Variants in PDE3A observed in about 807,000 individuals in gnomAD.
PDE3A encodes the protein cGMP-inhibited 3',5'-cyclic phosphodiesterase 3A.
Under a neutral mutation model 98.3 loss-of-function variants are expected in PDE3A, and 43 were observed. That is an observed-to-expected ratio of 0.44 (90% CI 0.34 to 0.56). The LOEUF (loss-of-function observed/expected upper bound fraction) is 0.56, where lower values mean the gene tolerates loss of function less well. PDE3A is among the 20% of genes least tolerant of loss of function. The probability of loss-of-function intolerance (pLI) is 0.01; values close to 1 mark genes in which losing one functional copy is unlikely to be tolerated. For missense variants in PDE3A, 1,427 were observed against 1,440.7 expected (o/e 0.99, Z 0.15); for synonymous variants, 663 against 567.9 (o/e 1.17, Z -2.38).
At chr12:20,509,216 T>A (rs982133279) in intron 1 of PDE3A, among the ~76,000 whole-genome samples, 1 of 152,054 alleles carries the variant, frequency 6.6e-6, no homozygotes, top group African/African-American at 2.4e-5. Flanking sequence ...TGGATTACAG[T>A]AGGAAACACC....
At chr12:20,577,995 G>T (rs1942974287) in intron 2 of PDE3A, among the ~76,000 whole-genome samples, 1 of 152,188 alleles carries the variant, frequency 6.6e-6, no homozygotes, top group Admixed American at 6.5e-5. Flanking sequence ...GAGAGGGGCA[G>T]TCCTGTGAGA....
chr12:20,521,040 A>T (rs1946414645), intron 1 of PDE3A, among the ~76,000 whole-genome samples: 1 of 152,130 alleles, frequency 6.6e-6, no homozygotes, highest in African/African-American at 2.4e-5. Context: ...GTGGATGTAA[A>T]CATATTTTGT....
chr12:20,633,229 G>C (rs1396938170), intron 6 of PDE3A, among the ~76,000 whole-genome samples: 1 of 152,148 alleles, frequency 6.6e-6, no homozygotes, highest in Non-Finnish European at 1.5e-5. Flanking sequence ...GGGATTACAG[G>C]CGTGAGCCCA....
At chr12:20,413,386 GC>G (rs768930391) in intron 1 of PDE3A, among the ~76,000 whole-genome samples, 5 of 152,140 alleles carry the variant, frequency 3.3e-5, no homozygotes, top group Non-Finnish European at 7.3e-5. Flanking sequence ...GCAGCCTGAA[GC>G]CATGGATCTT....
chr12:20,575,764 T>A (rs925593383), intron 2 of PDE3A, among the ~76,000 whole-genome samples: 1 of 151,546 alleles, frequency 6.6e-6, no homozygotes, highest in African/African-American at 2.4e-5. Context: ...ATCCTCCTAT[T>A]TTTTTTTAAG....
chr12:20,462,019 T>C (rs1945259581), intron 1 of PDE3A, among the ~76,000 whole-genome samples: 1 of 152,160 alleles, frequency 6.6e-6, no homozygotes, highest in Non-Finnish European at 1.5e-5. Context: ...TGTCTCACTT[T>C]GGGTGCTACT....
At chr12:20,583,624 C>T (rs779150547) in intron 2 of PDE3A, among the ~76,000 whole-genome samples, 1 of 152,112 alleles carries the variant, frequency 6.6e-6, no homozygotes, top group East Asian at 1.9e-4. Flanking sequence ...GTAAAATACA[C>T]ATAATATTAG....
chr12:20,586,525 C>A (rs980309523), intron 2 of PDE3A, among the ~76,000 whole-genome samples: 85 of 152,270 alleles, frequency 5.6e-4, no homozygotes, highest in African/African-American at 1.7e-3. Flanking sequence ...AAAATCACTT[C>A]TCTAACTTAT....
At chr12:20,478,065 AT>A (rs2120994026) in intron 1 of PDE3A, among the ~76,000 whole-genome samples, 1 of 152,362 alleles carries the variant, frequency 6.6e-6, no homozygotes, top group East Asian at 1.9e-4. Context: ...CAGGAGGCTC[AT>A]ATTCTTCCAA....
chr12:20,397,908 G>A (rs527237551), intron 1 of PDE3A, among the ~76,000 whole-genome samples: 37 of 152,176 alleles, frequency 2.4e-4, no homozygotes, highest in African/African-American at 7.9e-4. Context: ...GATTGTTCAC[G>A]ATCTTATTGA....
At chr12:20,566,500 A>C (rs1942659571) in intron 2 of PDE3A, among the ~76,000 whole-genome samples, 1 of 150,774 alleles carries the variant, frequency 6.6e-6, no homozygotes, top group South Asian at 2.1e-4. Flanking sequence ...TATCAGCGAT[A>C]CACACTTAAA....
At chr12:20,651,037 G>A (rs1468566650) in intron 14 of PDE3A, among the ~76,000 whole-genome samples, 2 of 152,120 alleles carry the variant, frequency 1.3e-5, no homozygotes, top group East Asian at 1.9e-4. Context: ...TAGTTTAAAT[G>A]TACATGGAAT....
intron 6 of PDE3A, among the ~76,000 whole-genome samples, chr12:20,630,849 G>T (rs949806598): frequency 3.3e-5 from 5 of 152,230 alleles, no homozygotes; most frequent in Admixed American, 1.3e-4. Flanking sequence ...TAGAAAAACA[G>T]TTGAGTGTTT....
At chr12:20,618,290 A>G (rs1302096207) in intron 4 of PDE3A, among the ~76,000 whole-genome samples, 2 of 152,164 alleles carry the variant, frequency 1.3e-5, no homozygotes, top group African/African-American at 2.4e-5. Flanking sequence ...TTGATTATAA[A>G]TCACAGTCAA....
At chr12:20,566,202 C>T (rs905420412) in intron 2 of PDE3A, among the ~76,000 whole-genome samples, 1 of 151,772 alleles carries the variant, frequency 6.6e-6, no homozygotes, top group Admixed American at 6.6e-5. Context: ...TGCTTTTTGG[C>T]GGAGTTTTTT....
chr12:20,392,494 G>A (rs1407593308), intron 1 of PDE3A, among the ~76,000 whole-genome samples: 1 of 149,718 alleles, frequency 6.7e-6, no homozygotes, highest in East Asian at 2.0e-4. Flanking sequence ...GCAACATAGT[G>A]AGATCCTGTC....
chr12:20,376,663 C>A (rs958891885), intron 1 of PDE3A, among the ~76,000 whole-genome samples: 5 of 151,690 alleles, frequency 3.3e-5, no homozygotes, highest in Non-Finnish European at 7.4e-5. Flanking sequence ...TTTGTATGTT[C>A]AGGATTTCCA....
intron 1 of PDE3A, among the ~76,000 whole-genome samples, chr12:20,412,858 A>G (rs1944358157): frequency 6.6e-6 from 1 of 152,180 alleles, no homozygotes. Context: ...CCTTTCTGTT[A>G]ACATTGAAAA....
intron 1 of PDE3A, among the ~76,000 whole-genome samples, chr12:20,443,063 T>C (rs1944895041): frequency 1.4e-5 from 2 of 144,052 alleles, no homozygotes; most frequent in South Asian, 2.4e-4. Flanking sequence ...AATGAAATGC[T>C]CCTGTATAGG....
Sources: allele counts gnomAD v4.1 joint callset (sites outside exome capture counted in the v4.1 genomes callset), GRCh38; gene constraint gnomAD v4.1.1; transcripts MANE v1.5; gene names NCBI Gene and HGNC (gene_info 2026-07-23, HGNC 2026-07-21).